Variants in RAP1GDS1 observed in about 807,000 individuals in gnomAD.
RAP1GDS1 encodes the protein RAP1, GTP-GDP dissociation stimulator 1.
A neutral mutation model predicts 71.1 loss-of-function variants in RAP1GDS1; 35 were observed. The ratio of observed to expected loss-of-function variants is 0.49; its 90% confidence interval spans 0.38 to 0.65. RAP1GDS1 has a LOEUF of 0.65. RAP1GDS1 is among the 30% of genes least tolerant of loss of function. The pLI is 0.00. For synonymous variants in RAP1GDS1, 229 were observed against 243.1 expected, an observed-to-expected ratio of 0.94 and a Z score of 0.54; for missense variants, 663 against 706.1, an observed-to-expected ratio of 0.94 and a Z score of 0.69.
chr4:98,276,038 C>A (rs968037462), intron 1 of RAP1GDS1, among the ~76,000 whole-genome samples: 4 of 152,028 alleles, frequency 2.6e-5, no homozygotes, highest in Non-Finnish European at 5.9e-5. Flanking sequence ...ATATAAACAA[C>A]AGATTTTTTT....
chr4:98,263,040 AT>A, intron 1 of RAP1GDS1, among the ~76,000 whole-genome samples: 1 of 152,170 alleles, frequency 6.6e-6, no homozygotes, highest in East Asian at 1.9e-4. Flanking sequence ...CTTAAAGTAG[AT>A]TTTTAAATAG....
chr4:98,361,102 A>G (rs1296335517), intron 4 of RAP1GDS1, among the ~76,000 whole-genome samples: 4 of 151,538 alleles, frequency 2.6e-5, no homozygotes, highest in African/African-American at 9.7e-5. Context: ...AAGAGTGAAT[A>G]ATTTACATTT....
chr4:98,393,512 G>T (rs1481927381), intron 6 of RAP1GDS1, among the ~76,000 whole-genome samples: 2 of 152,164 alleles, frequency 1.3e-5, no homozygotes, highest in Non-Finnish European at 2.9e-5. Context: ...AGTATGGTTG[G>T]CAGAAATAAA....
intron 2 of RAP1GDS1, among the ~76,000 whole-genome samples, chr4:98,306,307 G>A (rs922976566): frequency 3.3e-5 from 5 of 152,168 alleles, no homozygotes; most frequent in Admixed American, 3.3e-4. Flanking sequence ...TTCAGAGTCC[G>A]GTGACATGCC....
At chr4:98,426,330 C>G (rs993345042) in intron 12 of RAP1GDS1, among the ~76,000 whole-genome samples, 1 of 151,938 alleles carries the variant, frequency 6.6e-6, no homozygotes, top group Admixed American at 6.6e-5. Context: ...GAAACAAGAA[C>G]AAACCAAACC....
chr4:98,306,329 A>T (rs777363565), intron 2 of RAP1GDS1, among the ~76,000 whole-genome samples: 1 of 152,198 alleles, frequency 6.6e-6, no homozygotes, highest in Non-Finnish European at 1.5e-5. Context: ...TACCTCATTG[A>T]TGGTACCTTT....
intron 1 of RAP1GDS1, among the ~76,000 whole-genome samples, chr4:98,272,250 C>T (rs1723568264): frequency 6.6e-6 from 1 of 152,144 alleles, no homozygotes; most frequent in South Asian, 2.1e-4. Context: ...CTTTATTAAT[C>T]AAAATAGGAA....
At chr4:98,343,037 A>T (rs891706032) in intron 2 of RAP1GDS1, 102 bp from the exon 3 acceptor site, 10 of 1,268,710 alleles carry the variant, frequency 7.9e-6, no homozygotes, top group Non-Finnish European at 1.1e-5. Flanking sequence ...ACTAATTTCT[A>T]TTATGGGTGG....
intron 4 of RAP1GDS1, among the ~76,000 whole-genome samples, chr4:98,366,622 A>G (rs1291453963): frequency 2.0e-5 from 3 of 152,150 alleles, no homozygotes; most frequent in Non-Finnish European, 4.4e-5. Flanking sequence ...TTTGCCCAAA[A>G]TGCTGATAGT....
intron 12 of RAP1GDS1, among the ~76,000 whole-genome samples, chr4:98,431,343 C>A (rs1279285847): frequency 6.6e-6 from 1 of 152,204 alleles, no homozygotes. Flanking sequence ...CAAAGCCTAT[C>A]TGAAAATATT....
At chr4:98,425,411 T>C (rs576053989) in intron 12 of RAP1GDS1, among the ~76,000 whole-genome samples, 59 of 152,258 alleles carry the variant, frequency 3.9e-4, no homozygotes, top group African/African-American at 1.3e-3. Flanking sequence ...TGAATGTAAA[T>C]GGCCTAAATG....
chr4:98,429,076 G>A (rs1165676610), intron 12 of RAP1GDS1, among the ~76,000 whole-genome samples: 1 of 152,012 alleles, frequency 6.6e-6, no homozygotes, highest in Admixed American at 6.6e-5. Context: ...GGCTAACATG[G>A]TGAAACCTCG....
In RAP1GDS1 at chr4:98,418,798, CTT is replaced by C; in HGVS notation, c.1174+8_1174+9del. 6.3e-7 allele frequency: 1 copy of C among 1,581,924 alleles called. No homozygotes were observed. The highest frequency in any genetic ancestry group is 8.6e-7 in the Non-Finnish European group (1 of 1,167,916). The stretch of plus-strand genomic sequence containing the variant: ...AGAAACCTGGCCATTCCAGGTAAGA[CTT>C]AAGAATAGAAGGCAGCTGTGTACAA... On this transcript the variant is annotated splice_region_variant and intron_variant, in intron 10 of 14. Coordinates refer to ENST00000408927, the MANE Select transcript of RAP1GDS1 (RefSeq NM_001100427.2).
At chr4:98,390,416 T>A (rs577938159) in intron 5 of RAP1GDS1, among the ~76,000 whole-genome samples, 1 of 152,290 alleles carries the variant, frequency 6.6e-6, no homozygotes, top group African/African-American at 2.4e-5. Context: ...AATTTGAAAT[T>A]GTTTTATTAG....
intron 14 of RAP1GDS1, among the ~76,000 whole-genome samples, chr4:98,440,154 T>G (rs1751695237): frequency 6.6e-6 from 1 of 152,358 alleles, no homozygotes; most frequent in South Asian, 2.1e-4. Context: ...TGTAGGCGTG[T>G]CAGAATTTCA....
At chr4:98,323,151 C>G (rs1732276636) in intron 2 of RAP1GDS1, among the ~76,000 whole-genome samples, 1 of 148,412 alleles carries the variant, frequency 6.7e-6, no homozygotes, top group Non-Finnish European at 1.5e-5. Context: ...CACCTCTATG[C>G]AAATAAACTA....
intron 4 of RAP1GDS1, among the ~76,000 whole-genome samples, chr4:98,378,144 A>G (rs1013200164): frequency 3.3e-5 from 5 of 151,828 alleles, no homozygotes; most frequent in Non-Finnish European, 5.9e-5. Flanking sequence ...GACCTCTTCT[A>G]GAGGGTGGTT....
intron 7 of RAP1GDS1, among the ~76,000 whole-genome samples, chr4:98,407,292 C>T (rs1216487294): frequency 6.6e-6 from 1 of 151,746 alleles, no homozygotes. Context: ...TTAATCTGCA[C>T]TTGTACTCCC....
intron 2 of RAP1GDS1, among the ~76,000 whole-genome samples, chr4:98,302,728 C>A (rs898110594): frequency 6.6e-6 from 1 of 152,096 alleles, no homozygotes; most frequent in Admixed American, 6.6e-5. Context: ...ATCCTCAAGG[C>A]CTCCATGCAA....
Sources: allele counts gnomAD v4.1 joint callset (sites outside exome capture counted in the v4.1 genomes callset), GRCh38; gene constraint gnomAD v4.1.1; transcripts MANE v1.5; gene names NCBI Gene and HGNC (gene_info 2026-07-23, HGNC 2026-07-21).